RAMP1: variants seen among roughly 807,000 people sequenced by gnomAD.
RAMP1 encodes the protein receptor activity-modifying protein 1.
A neutral mutation model predicts 8.2 loss-of-function variants in RAMP1; 7 were observed. That is an observed-to-expected ratio of 0.85 (90% confidence interval 0.49 to 1.60). The LOEUF (loss-of-function observed/expected upper bound fraction) is 1.60. Among genes scored for constraint, RAMP1 ranks in the 40% most tolerant of loss-of-function variants. The probability of loss-of-function intolerance (pLI) is 0.00; values close to 1 mark genes in which losing one functional copy is unlikely to be tolerated. For synonymous variants in RAMP1, 92 were observed against 84.7 expected (o/e 1.09, Z -0.47); for missense variants, 192 against 202.4 (o/e 0.95, Z 0.31).
chr2:237,871,647 C>T lies in RAMP1; in HGVS notation c.53-5577C>T, dbSNP rs1313577192. 4.6e-5 allele frequency among the ~76,000 whole-genome samples: 7 copies of T among 152,210 alleles called. No homozygotes were observed. The East Asian group carries it at 7.7e-4, about 17-fold the overall frequency. On this transcript the variant is annotated intron_variant, in intron 1 of 2. Coordinates refer to ENST00000254661, the MANE Select transcript of RAMP1 (RefSeq NM_005855.4). ...GGGCACTTCTACCCTCTGGGACAGTCGTCCCCAACTCTCTTGGTCCTGCCC... is the reference window on the plus strand; with the variant it reads ...GGGCACTTCTACCCTCTGGGACAGTTGTCCCCAACTCTCTTGGTCCTGCCC...
chr2:237,880,726 C>T (rs1178702345), intron 2 of RAMP1, among the ~76,000 whole-genome samples: 1 of 152,206 alleles, frequency 6.6e-6, no homozygotes, highest in Non-Finnish European at 1.5e-5. Context: ...AATTTCCGAA[C>T]GTGCTGGTAA....
At chr2:237,881,851 G>T (rs947888589) in intron 2 of RAMP1, among the ~76,000 whole-genome samples, 4 of 146,898 alleles carry the variant, frequency 2.7e-5, no homozygotes, top group Non-Finnish European at 6.0e-5. Context: ...TTTCAACTTT[G>T]TTTTTTTTTT....
At chr2:237,868,998 G>A (rs754768384) in intron 1 of RAMP1, among the ~76,000 whole-genome samples, 15 of 152,170 alleles carry the variant, frequency 9.9e-5, no homozygotes, top group South Asian at 2.1e-4. Context: ...CCGTAAGCCC[G>A]TGGGAGGAGT....
At chr2:237,900,030 A>G (rs753596759) in intron 2 of RAMP1, among the ~76,000 whole-genome samples, 1 of 152,202 alleles carries the variant, frequency 6.6e-6, no homozygotes, top group Non-Finnish European at 1.5e-5. Context: ...TTTTAAGTCG[A>G]TATTTGATAG....
chr2:237,901,032 T>A (rs910702150), intron 2 of RAMP1, among the ~76,000 whole-genome samples: 2 of 152,256 alleles, frequency 1.3e-5, no homozygotes, highest in Non-Finnish European at 2.9e-5. Flanking sequence ...CTCCCACGTG[T>A]CTTGCGTTCC....
At position 237,865,434 on chromosome 2, in the gene RAMP1, T is replaced by G. The variant is rs1421815792; in HGVS notation, c.52+5707T>G. Among the ~76,000 whole-genome samples, 1 of 151,530 alleles carries G rather than the reference T, an allele frequency of 6.6e-6. No homozygotes were observed. The highest frequency in any genetic ancestry group is 1.5e-5 in the Non-Finnish European group (1 of 67,860). On this transcript the variant is annotated intron_variant, in intron 1 of 2. Coordinates refer to ENST00000254661, the MANE Select transcript of RAMP1 (RefSeq NM_005855.4). This position sits in a 1 kb window ranked among gnomAD's most constrained non-coding sequence, Gnocchi z 4.2. ...GGAAACATGGGAGCCCCAGGCAAAC[T>G]GGAATTTCAGATAAACAAGAAGCAT... is the stretch of plus-strand genomic sequence containing the variant.
intron 1 of RAMP1, among the ~76,000 whole-genome samples, chr2:237,868,694 G>A (rs1157822931): frequency 6.6e-6 from 1 of 152,050 alleles, no homozygotes; most frequent in African/African-American, 2.4e-5. Flanking sequence ...AAACGTCATC[G>A]GTTCTCTGCT....
chr2:237,871,709 T>C (rs763194746), intron 1 of RAMP1, among the ~76,000 whole-genome samples: 7 of 152,178 alleles, frequency 4.6e-5, no homozygotes, highest in Admixed American at 2.0e-4. Flanking sequence ...TCCTCCAGGA[T>C]TTGCTTATAA....
intron 1 of RAMP1, among the ~76,000 whole-genome samples, chr2:237,864,491 G>A (rs1198238221): frequency 6.6e-6 from 1 of 152,186 alleles, no homozygotes; most frequent in Admixed American, 6.5e-5. Context: ...GGGAAGCGGG[G>A]GAGGTGGATG....
At chr2:237,899,151 ACCTCCG>A (rs2062573814) in intron 2 of RAMP1, among the ~76,000 whole-genome samples, 1 of 151,640 alleles carries the variant, frequency 6.6e-6, no homozygotes, top group African/African-American at 2.4e-5. Context: ...GCTCGCTGCA[ACCTCCG>A]CCTCCCGGGT....
intron 2 of RAMP1, among the ~76,000 whole-genome samples, chr2:237,899,115 T>C (rs576204359): frequency 6.6e-6 from 1 of 151,692 alleles, no homozygotes; most frequent in African/African-American, 2.4e-5. Flanking sequence ...CTGTCACCCA[T>C]GCTGGAGTGC....
chr2:237,902,579 G>A (rs978390136), intron 2 of RAMP1, among the ~76,000 whole-genome samples: 9 of 151,882 alleles, frequency 5.9e-5, no homozygotes, highest in South Asian at 2.1e-4. Context: ...GTTGGGTCCC[G>A]CGGGGCCCCC....
chr2:237,859,358 C>A (rs1421291718), upstream of RAMP1, among the ~76,000 whole-genome samples: 1 of 152,198 alleles, frequency 6.6e-6, no homozygotes, highest in Admixed American at 6.5e-5. Flanking sequence ...GTCTAGGAGA[C>A]CCTCCCTAGT....
rs1487852144 is a variant in RAMP1 at position 237,865,488 on chromosome 2, T to C, written c.52+5761T>C. 6.6e-6 allele frequency among the ~76,000 whole-genome samples: 1 copy of C among 152,092 alleles called. No individual in the cohort carries two copies. Among genetic ancestry groups the C allele is most frequent in the Non-Finnish European group, 1.5e-5 (1 of 68,010 alleles). ...CCTGTCTCATACAGTATCGGGAACATGCCTCAAAAACCACCGTTTCTCTGA... is the reference window on the plus strand; with the variant it reads ...CCTGTCTCATACAGTATCGGGAACACGCCTCAAAAACCACCGTTTCTCTGA... On this transcript the variant is annotated intron_variant, in intron 1 of 2. Transcript: ENST00000254661. This position sits in a 1 kb window ranked among gnomAD's most constrained non-coding sequence, Gnocchi z 4.2.
At chr2:237,902,830 A>G (rs2062617209) in intron 2 of RAMP1, among the ~76,000 whole-genome samples, 1 of 152,228 alleles carries the variant, frequency 6.6e-6, no homozygotes, top group African/African-American at 2.4e-5. Context: ...GCTGTTAAAT[A>G]TAATTATAAA....
chr2:237,879,921 C>T (rs1356883200), intron 2 of RAMP1, among the ~76,000 whole-genome samples: 1 of 134,006 alleles, frequency 7.5e-6, no homozygotes, highest in African/African-American at 2.9e-5. Flanking sequence ...ACCCAGGAGG[C>T]GGAGGTTGCC....
chr2:237,891,299 C>A (rs534022396), intron 2 of RAMP1, among the ~76,000 whole-genome samples: 1 of 152,016 alleles, frequency 6.6e-6, no homozygotes, highest in African/African-American at 2.4e-5. Flanking sequence ...TACAGGCGCC[C>A]GCCACCACGC....
intron 2 of RAMP1, among the ~76,000 whole-genome samples, chr2:237,896,685 G>A (rs145143540): frequency 3.0e-4 from 45 of 152,296 alleles, no homozygotes; most frequent in African/African-American, 1.0e-3. Flanking sequence ...TCACTCTGCC[G>A]CCTAGATTGG....
chr2:237,877,360 C>G lies in RAMP1; in HGVS notation c.189C>G (p.Ile63Met), dbSNP rs768699419. Reference protein sequence around the residue: ...ETLWCDWGRTIRSYRELADCT... With the variant: ...ETLWCDWGRTMRSYRELADCT... ...TGTGGTGTGACTGGGGCAGGACCATCAGGTGAGTCCCATGGCCCCTGGTGG... is the reference window on the plus strand; with the variant it reads ...TGTGGTGTGACTGGGGCAGGACCATGAGGTGAGTCCCATGGCCCCTGGTGG... Residue 63 changes from isoleucine (I) to methionine (M), a missense_variant and splice_region_variant, in exon 2 of 3, where the codon ATC becomes ATG. Coordinates refer to ENST00000254661, the MANE Select transcript of RAMP1 (RefSeq NM_005855.4). The surrounding 1 kb of genome is among the most constrained non-coding windows in gnomAD (Gnocchi z 4.4). 4.3e-6 allele frequency: 7 copies of G among 1,611,278 alleles called. No individual in the cohort carries two copies. In the Admixed American group the frequency reaches 1.2e-4, roughly 27 times the overall value.
Sources: allele counts gnomAD v4.1 joint callset (sites outside exome capture counted in the v4.1 genomes callset), GRCh38; gene constraint gnomAD v4.1.1; non-coding constraint Gnocchi (gnomAD v3.1); transcripts MANE v1.5; gene names NCBI Gene and HGNC (gene_info 2026-07-23, HGNC 2026-07-21).